Variants in DELE1 observed in about 807,000 individuals in gnomAD.
The protein encoded by DELE1 is death ligand signal enhancer.
In DELE1, 54 loss-of-function variants were observed where a neutral mutation model predicts 59.3. That is an observed-to-expected ratio of 0.91 (90% CI 0.73 to 1.14). The LOEUF is 1.14. Among genes scored for constraint, DELE1 ranks in the 50% most tolerant of loss-of-function variants. The probability of loss-of-function intolerance (pLI) is 0.00; values close to 1 mark genes in which losing one functional copy is unlikely to be tolerated. For missense variants in DELE1, 636 were observed against 643.9 expected (o/e 0.99, Z 0.13); for synonymous variants, 264 against 259.1 (o/e 1.02, Z -0.18).
At position 141,940,162 on chromosome 5, in the gene DELE1, C is replaced by A. The variant is rs1479021403; in HGVS notation, c.*1403C>A. ...ATATTGGATTATCTCATCACTCTTGCCCTTGAGTATTATGGGAAGAGCCAG... is the reference window on the plus strand; with the variant it reads ...ATATTGGATTATCTCATCACTCTTGACCTTGAGTATTATGGGAAGAGCCAG... On this transcript the variant is annotated 3_prime_UTR_variant, in exon 12 of 12. Transcript: ENST00000432126. The A allele has an allele frequency of 4.1e-6, 4 of 985,258 alleles. No individual in the cohort carries two copies. Among genetic ancestry groups the A allele is most frequent in the Non-Finnish European group, 4.8e-6 (4 of 829,940 alleles). 61.0% of individuals were successfully genotyped at this position (985,258 alleles called of 1,614,324 possible). A position where few individuals can be genotyped will look rare whatever the true frequency, so the allele number is the denominator to read the frequency against.
intron 1 of DELE1, 28 bp downstream of exon 1, chr5:141,924,000 A>T (rs760564188): frequency 6.2e-7 from 1 of 1,604,404 alleles, no homozygotes; most frequent in Non-Finnish European, 8.5e-7. Context: ...AACCAGCGTC[A>T]CTCTGGGCCG....
At position 141,940,871 on chromosome 5, in the gene DELE1, A is replaced by G; in HGVS notation, c.*2112A>G. ...CACTAAGCTCTCTGCCAAAAAACAAACAAAAAAAGGTTTCTGTGGTTAAAT... is the reference window on the plus strand; with the variant it reads ...CACTAAGCTCTCTGCCAAAAAACAAGCAAAAAAAGGTTTCTGTGGTTAAAT... On this transcript the variant is annotated 3_prime_UTR_variant, in exon 12 of 12. Transcript: ENST00000432126. 2.0e-6 allele frequency: 2 copies of G among 985,474 alleles called. No homozygotes were observed. The highest frequency in any genetic ancestry group is 2.4e-6 in the Non-Finnish European group (2 of 829,948). The allele number at this position is 985,474 out of a possible 1,614,324, so 61.0% of individuals were successfully genotyped here. A position where few individuals can be genotyped will look rare whatever the true frequency, so the allele number is the denominator to read the frequency against.
In DELE1 at chr5:141,940,101, CAT is replaced by C. The variant is rs755599907; in HGVS notation, c.*1343_*1344del. 164 of 985,288 alleles carry C rather than the reference CAT, an allele frequency of 1.7e-4. 1 individual carries two copies. The East Asian group carries it at 2.5e-3, about 15-fold the overall frequency. The allele number at this position is 985,288 out of a possible 1,614,324, so 61.0% of individuals were successfully genotyped here. ...GATTTTGAGGTCCCCATTTGGGAAACATGTGCCAGAAATGTCTAGGTGTTTAA... is the reference window on the plus strand; with the variant it reads ...GATTTTGAGGTCCCCATTTGGGAAACGTGCCAGAAATGTCTAGGTGTTTAA... On this transcript the variant is annotated 3_prime_UTR_variant, in exon 12 of 12. Coordinates refer to ENST00000432126, the MANE Select transcript of DELE1 (RefSeq NM_014773.5).
rs1046007508 is a variant in DELE1, at chr5:141,940,982, A to G, written c.*2223A>G. 110 of 981,006 alleles carry G rather than the reference A, an allele frequency of 1.1e-4. No individual in the cohort carries two copies. The highest frequency in any genetic ancestry group is 1.3e-4 in the Non-Finnish European group (107 of 826,012). 60.8% of individuals were successfully genotyped at this position (981,006 alleles called of 1,614,324 possible). ...TATTTGAGGTTCCAAGAAGTCCTCC[A>G]GTAAAGAACTTGGTTAACCCAATGT... On this transcript the variant is annotated 3_prime_UTR_variant, in exon 12 of 12. Coordinates refer to ENST00000432126, the MANE Select transcript of DELE1 (RefSeq NM_014773.5).
rs750581113 is a variant in DELE1, at chr5:141,941,168, C to A, written c.*2409C>A. 43 of 985,318 alleles carry A rather than the reference C, an allele frequency of 4.4e-5. No homozygotes were observed. The highest frequency in any genetic ancestry group is 5.2e-5 in the African/African-American group (3 of 57,216). The allele number at this position is 985,318 out of a possible 1,614,324, so 61.0% of individuals were successfully genotyped here. A position where few individuals can be genotyped will look rare whatever the true frequency, so the allele number is the denominator to read the frequency against. ...GTCATTTTGGATTTTCTGACTACTT[C>A]CTTCTAGCCATAGCTGGGGCCGAGG... On this transcript the variant is annotated 3_prime_UTR_variant, in exon 12 of 12. Coordinates refer to ENST00000432126, the MANE Select transcript of DELE1 (RefSeq NM_014773.5).
Position 141,940,550 on chromosome 5 carries a change from C to T in DELE1, c.*1791C>T. 1.0e-6 allele frequency: 1 copy of T among 985,456 alleles called. No homozygotes were observed. The highest frequency in any genetic ancestry group is 1.2e-6 in the Non-Finnish European group (1 of 829,942). The allele number at this position is 985,456 out of a possible 1,614,324, so 61.0% of individuals were successfully genotyped here. A position where few individuals can be genotyped will look rare whatever the true frequency, so the allele number is the denominator to read the frequency against. ...ACGTTTCCCTCTCTGCTTCCCACCCCATCTCTCTCAACTTCTTAGTGGTCC... is the reference window on the plus strand; with the variant it reads ...ACGTTTCCCTCTCTGCTTCCCACCCTATCTCTCTCAACTTCTTAGTGGTCC... On this transcript the variant is annotated 3_prime_UTR_variant, in exon 12 of 12. Coordinates refer to ENST00000432126, the MANE Select transcript of DELE1 (RefSeq NM_014773.5).
At chr5:141,937,115 G>C (rs1324544826) in intron 10 of DELE1, 83 bp from the exon 11 acceptor site, 1 of 1,582,876 alleles carries the variant, frequency 6.3e-7, no homozygotes, top group African/African-American at 1.3e-5. Flanking sequence ...CAGCATGCCT[G>C]ACTTCATCTT....
Position 141,941,642 on chromosome 5 carries a change from C to T in DELE1, c.*2883C>T. 1.0e-6 allele frequency: 1 copy of T among 985,404 alleles called. No homozygotes were observed. Among genetic ancestry groups the T allele is most frequent in the Non-Finnish European group, 1.2e-6 (1 of 829,946 alleles). 61.0% of individuals were successfully genotyped at this position (985,404 alleles called of 1,614,324 possible). On this transcript the variant is annotated 3_prime_UTR_variant, in exon 12 of 12. Coordinates refer to ENST00000432126, the MANE Select transcript of DELE1 (RefSeq NM_014773.5). Reference sequence around the variant, plus strand: ...GCTGGGTTAAAGCCCGGCGCCCTCACCAATGAGACCTTTGTGGGAAGCTCT... The same window carrying T: ...GCTGGGTTAAAGCCCGGCGCCCTCATCAATGAGACCTTTGTGGGAAGCTCT...
intron 3 of DELE1, among the ~76,000 whole-genome samples, chr5:141,925,939 G>A (rs561931857): frequency 8.5e-5 from 13 of 152,122 alleles, no homozygotes; most frequent in Non-Finnish European, 1.3e-4. Flanking sequence ...AAGTGCAGCG[G>A]CATGATCTTG....
chr5:141,923,880 C>G lies in DELE1; in HGVS notation c.-62C>G, dbSNP rs906815165. 2.6e-6 allele frequency: 4 copies of G among 1,561,356 alleles called. No individual in the cohort carries two copies. Among genetic ancestry groups the G allele is most frequent in the Non-Finnish European group, 3.5e-6 (4 of 1,152,206 alleles). ...GGGGCATCGCGGCGGCCTTTCTAGC[C>G]GCTGTCCCAAGGGTTGGTCTCGCGC... is the stretch of plus-strand genomic sequence containing the variant. On this transcript the variant is annotated 5_prime_UTR_variant, in exon 1 of 12. Coordinates refer to ENST00000432126, the MANE Select transcript of DELE1 (RefSeq NM_014773.5).
In DELE1 at chr5:141,924,624, T is replaced by A. The variant is rs116678975; in HGVS notation, c.75T>A (p.Pro25=). ...TLGPSLWRVT[P]KSTSPDGPQT... is the part of the protein sequence containing the mutation. ...GACCTAGCCTCTGGAGGGTGACTCC[T>A]AAGTCCACCAGCCCAGATGGGCCTC... Residue 25 remains proline (P), a synonymous_variant, in exon 2 of 12, where the codon CCT becomes CCA. Coordinates refer to ENST00000432126, the MANE Select transcript of DELE1 (RefSeq NM_014773.5). 35 of 1,614,116 alleles carry A rather than the reference T, an allele frequency of 2.2e-5. No individual in the cohort carries two copies. Among genetic ancestry groups the A allele is most frequent in the Admixed American group, 1.7e-4 (10 of 60,024 alleles).
At chr5:141,925,568 T>C (rs776456011) in intron 3 of DELE1, 41 bp downstream of exon 3, 4 of 1,338,676 alleles carry the variant, frequency 3.0e-6, no homozygotes, top group African/African-American at 3.0e-5. Context: ...TCAGTGTAGA[T>C]GAGAATGATC....
Position 141,940,277 on chromosome 5 carries a change from C to T in DELE1, c.*1518C>T. On this transcript the variant is annotated 3_prime_UTR_variant, in exon 12 of 12. Coordinates refer to ENST00000432126, the MANE Select transcript of DELE1 (RefSeq NM_014773.5). ...ATTTAAAGGATCTTAAAAGCTTCTC[C>T]AGGAGAGAGACTTAGGAAAAAAAAA... 5.1e-6 allele frequency: 5 copies of T among 985,320 alleles called. No homozygotes were observed. The highest frequency in any genetic ancestry group is 6.0e-6 in the Non-Finnish European group (5 of 829,922). The allele number at this position is 985,320 out of a possible 1,614,324, so 61.0% of individuals were successfully genotyped here.
chr5:141,938,608 C>T lies in DELE1; in HGVS notation c.1397C>T (p.Thr466Ile). Residue 466 changes from threonine (T) to isoleucine (I), a missense_variant, in exon 12 of 12, where the codon ACC (threonine) becomes ATC (isoleucine). Thr to Ile is a moderately conservative substitution (Grantham distance 89). Transcript: ENST00000432126. ...AGCTTGAACACCCTGCTAGCAGGAA[C>T]CTCACGCCTACCACATGCCTCGAGC... ...LCSLNTLLAG[T>I]SRLPHASSTG... The T allele has an allele frequency of 1.2e-6, 2 of 1,614,148 alleles. No individual in the cohort carries two copies. Among genetic ancestry groups the T allele is most frequent in the Non-Finnish European group, 1.7e-6 (2 of 1,180,032 alleles).
At chr5:141,930,720 G>A (rs1288122663) in intron 7 of DELE1, among the ~76,000 whole-genome samples, 3 of 152,202 alleles carry the variant, frequency 2.0e-5, no homozygotes, top group Non-Finnish European at 4.4e-5. Context: ...ACAGGCTCCT[G>A]GGGTTTGGAG....
chr5:141,938,727 G>A lies in DELE1; in HGVS notation c.1516G>A (p.Glu506Lys). 6.2e-7 allele frequency: 1 copy of A among 1,613,886 alleles called. No homozygotes were observed. Among genetic ancestry groups the A allele is most frequent in the Non-Finnish European group, 8.5e-7 (1 of 1,179,954 alleles). Residue 506 changes from glutamate to lysine, a missense_variant, in exon 12 of 12, where the codon GAA (glutamate) becomes AAA (lysine). By Grantham distance (56) the Glu-to-Lys change is moderately conservative (BLOSUM62 1). Transcript: ENST00000432126. ...TATTCCCCCACACCCCTACCCACTGGAAAGGAGTGTTGTAAGACTAGGTTT... is the reference window on the plus strand; with the variant it reads ...TATTCCCCCACACCCCTACCCACTGAAAAGGAGTGTTGTAAGACTAGGTTT... Reference protein sequence around the residue: ...RAIPPHPYPLERSVVRLGFG With the variant: ...RAIPPHPYPLKRSVVRLGFG
intron 5 of DELE1, 92 bp from the exon 6 acceptor site, chr5:141,929,897 T>C: frequency 6.6e-7 from 1 of 1,524,864 alleles, no homozygotes; most frequent in Non-Finnish European, 9.1e-7. Context: ...GCAAGGGTGC[T>C]GGCTGGAAAG....
rs1231644295 is a variant in DELE1 at position 141,928,295 on chromosome 5, TC to T, written c.411del (p.Ser138HisfsTer42). ...FFSSPLWHPC[S>X]SLRQHILPSP... is the part of the protein sequence containing the mutation. The stretch of plus-strand genomic sequence containing the variant: ...CTCATCTCCCTTGTGGCACCCATGC[TC>T]CTGTGAGTTCTCAGTCCTGGGGACA... On this transcript the variant is annotated frameshift_variant and splice_region_variant, in exon 4 of 12. Coordinates refer to ENST00000432126, the MANE Select transcript of DELE1 (RefSeq NM_014773.5). LOFTEE classifies it high-confidence loss of function. 1 of 1,613,952 alleles carries T rather than the reference TC, an allele frequency of 6.2e-7. No homozygotes were observed. The highest frequency in any genetic ancestry group is 8.5e-7 in the Non-Finnish European group (1 of 1,179,894).
chr5:141,938,524 C>A lies in DELE1; in HGVS notation c.1313C>A (p.Pro438Gln). Reference sequence around the variant, plus strand: ...TTGCTCTCACCTCTTCTTGTAGCCCCGGGGCCCAGCGACCTGACAGTTACA... The same window carrying A: ...TTGCTCTCACCTCTTCTTGTAGCCCAGGGGCCCAGCGACCTGACAGTTACA... ...RALFSMGAAAPGPSDLTVTGL... is the reference protein window; with the variant it reads ...RALFSMGAAAQGPSDLTVTGL... The change falls in exon 12 of 12, where the codon CCG becomes CAG. Residue 438 changes from proline (P) to glutamine (Q), a missense_variant. Pro to Gln is a moderately conservative substitution (Grantham distance 76, BLOSUM62 -1). Transcript: ENST00000432126. The A allele has an allele frequency of 6.2e-7, 1 of 1,613,704 alleles. No homozygotes were observed. The highest frequency in any genetic ancestry group is 8.5e-7 in the Non-Finnish European group (1 of 1,179,756).
Sources: gnomAD v4.1 joint callset for allele counts (sites outside exome capture counted in the v4.1 genomes callset) on GRCh38, gnomAD v4.1.1 for gene constraint, MANE v1.5 for transcripts, NCBI Gene and HGNC (gene_info 2026-07-23, HGNC 2026-07-21) for gene names.